PCDHA8: variants seen among roughly 807,000 people sequenced by gnomAD.
PCDHA8 encodes the protein protocadherin alpha-8.
In PCDHA8, 53 loss-of-function variants were observed where a neutral mutation model predicts 61.8. That is an observed-to-expected ratio of 0.86 (90% CI 0.69 to 1.08). The LOEUF (loss-of-function observed/expected upper bound fraction) is 1.08, where lower values mean the gene tolerates loss of function less well. Ranked by LOEUF, PCDHA8 falls within the 50% of genes least tolerant of loss-of-function variation. PCDHA8 has a pLI of 0.00. For missense variants in PCDHA8, 1,293 were observed against 1,245.0 expected, an observed-to-expected ratio of 1.04 and a Z score of -0.58; for synonymous variants, 618 against 556.6, an observed-to-expected ratio of 1.11 and a Z score of -1.55.
intron 1 of PCDHA8, among the ~76,000 whole-genome samples, chr5:140,871,794 ATTACTATT>A (rs1415079404): frequency 2.2e-4 from 33 of 152,228 alleles, no homozygotes; most frequent in African/African-American, 7.7e-4. Flanking sequence ...AGTAGAAATA[ATTACTATT>A]TTCACTAAAG....
At chr5:140,870,333 C>A in intron 1 of PCDHA8, 1 of 1,614,164 alleles carries the variant, frequency 6.2e-7, no homozygotes, top group Non-Finnish European at 8.5e-7. Flanking sequence ...TGCTGGACAG[C>A]GCCCTGGACC....
At position 140,870,536 on chromosome 5, in the gene PCDHA8, C is replaced by T. The variant is rs782205013; in HGVS notation, c.2394+26821C>T. On this transcript the variant is annotated intron_variant, in intron 1 of 3. Transcript: ENST00000531613. ...GGCTGCCACATCTTCACAGTGTCGGCGCGGGACGCGGACGCGCAGGAGAAC... is the reference window on the plus strand; with the variant it reads ...GGCTGCCACATCTTCACAGTGTCGGTGCGGGACGCGGACGCGCAGGAGAAC... 1.1e-5 allele frequency: 18 copies of T among 1,614,036 alleles called. No individual in the cohort carries two copies. The Admixed American group carries it at 3.0e-4, about 27-fold the overall frequency.
At chr5:140,875,538 A>C in intron 1 of PCDHA8, 17 of 1,614,126 alleles carry the variant, frequency 1.1e-5, no homozygotes, top group Non-Finnish European at 1.4e-5. Context: ...TGCTCCTTGC[A>C]GCCTGGGAGG....
intron 1 of PCDHA8, among the ~76,000 whole-genome samples, chr5:140,971,432 A>G (rs1446143040): frequency 6.6e-6 from 1 of 152,226 alleles, no homozygotes; most frequent in African/African-American, 2.4e-5. Context: ...AAGAACCCCA[A>G]GATCTACAGC....
intron 3 of PCDHA8, 47 bp from the exon 4 acceptor site, chr5:141,009,580 G>T: frequency 1.3e-6 from 2 of 1,588,168 alleles, no homozygotes; most frequent in South Asian, 2.3e-5. Context: ...GTGGCATCAA[G>T]AGCATGTGTT....
chr5:140,998,987 G>A (rs1381033392), intron 3 of PCDHA8, among the ~76,000 whole-genome samples: 1 of 152,234 alleles, frequency 6.6e-6, no homozygotes. Context: ...ATAGTAGAAA[G>A]CAGAATGCTG....
At chr5:140,927,854 C>T (rs1047804872) in intron 1 of PCDHA8, 1 of 1,614,222 alleles carries the variant, frequency 6.2e-7, no homozygotes, top group South Asian at 1.1e-5. Flanking sequence ...TTTGGTTTAG[C>T]TAGCACCGCT....
Position 140,842,613 on chromosome 5 carries a change from G to T in PCDHA8, c.1292G>T (p.Gly431Val), listed in dbSNP as rs782736515. The change falls in exon 1 of 4, where the codon GGC becomes GTC. Residue 431 changes from glycine (G) to valine (V), a missense_variant. Gly to Val is a moderately radical substitution (Grantham distance 109, BLOSUM62 -3). Transcript: ENST00000531613. ...TTGGTGGTAACCGCGCGGGACGGGG[G>T]CTCGCCTTCGCTGTGGGCCACCGCC... ...YELVVTARDG[G>V]SPSLWATASL... 3.1e-6 allele frequency: 5 copies of T among 1,595,814 alleles called. 1 individual carries two copies. The highest frequency in any genetic ancestry group is 4.3e-6 in the Non-Finnish European group (5 of 1,165,648).
rs1465099022 is a variant in PCDHA8 at position 140,850,419 on chromosome 5, G to T, written c.2394+6704G>T. 7.5e-6 allele frequency: 12 copies of T among 1,597,838 alleles called. 2 individuals carry two copies. Among genetic ancestry groups the T allele is most frequent in the Non-Finnish European group, 9.4e-6 (11 of 1,167,742 alleles). On this transcript the variant is annotated intron_variant, in intron 1 of 3. Coordinates refer to ENST00000531613, the MANE Select transcript of PCDHA8 (RefSeq NM_018911.3). ...AACGCGTGCCCTGGACGAAACGGAC[G>T]CACCGCGCCAGCGCCTACTGGTGCT...
At chr5:140,909,709 A>G (rs2153511702) in intron 1 of PCDHA8, among the ~76,000 whole-genome samples, 1 of 152,294 alleles carries the variant, frequency 6.6e-6, no homozygotes, top group Non-Finnish European at 1.5e-5. Context: ...GCTGCTAAGT[A>G]TACCTATGCC....
At chr5:140,941,286 CTCTTTCTT>C (rs5871754) in intron 1 of PCDHA8, among the ~76,000 whole-genome samples, 8 of 106,846 alleles carry the variant, frequency 7.5e-5, no homozygotes, top group East Asian at 5.2e-4. Context: ...TCCTTCCTTT[CTCTTTCTT>C]TCTTTCTTTC....
chr5:141,010,025 A>G lies in PCDHA8; in HGVS notation c.*88A>G. The G allele has an allele frequency of 6.4e-7, 1 of 1,573,940 alleles. No homozygotes were observed. The highest frequency in any genetic ancestry group is 2.2e-5 in the East Asian group (1 of 44,636). ...TAGCAATTCCCTGCTCCTTTTTCCT[A>G]TCTACATGAGCCCTCTTAGAGACCT... On this transcript the variant is annotated 3_prime_UTR_variant, in exon 4 of 4. Transcript: ENST00000531613.
At chr5:140,966,638 T>A in intron 1 of PCDHA8, 2 of 1,090,114 alleles carry the variant, frequency 1.8e-6, no homozygotes, top group South Asian at 2.2e-5. Flanking sequence ...CCAGGCGCTT[T>A]CTAGAGCGTG....
At position 140,842,662 on chromosome 5, in the gene PCDHA8, C is replaced by G. The variant is rs2150341461; in HGVS notation, c.1341C>G (p.Asp447Glu). The G allele has an allele frequency of 1.3e-6, 2 of 1,595,426 alleles. No homozygotes were observed. Among genetic ancestry groups the G allele is most frequent in the East Asian group, 2.2e-5 (1 of 44,810 alleles). The change falls in exon 1 of 4, where the codon GAC becomes GAG. Residue 447 changes from aspartate (D) to glutamate (E), a missense_variant. Transcript: ENST00000531613. Reference protein sequence around the residue: ...ATASLSVEVADVNDNAPAFAQ... With the variant: ...ATASLSVEVAEVNDNAPAFAQ... Reference sequence around the variant, plus strand: ...CCAGCTTGTCTGTGGAGGTGGCCGACGTGAACGACAATGCTCCGGCGTTCG... The same window carrying G: ...CCAGCTTGTCTGTGGAGGTGGCCGAGGTGAACGACAATGCTCCGGCGTTCG...
intron 1 of PCDHA8, chr5:140,863,164 G>C (rs781940637): frequency 1.7e-5 from 11 of 661,132 alleles, no homozygotes; most frequent in Non-Finnish European, 3.0e-5. Context: ...CTGCGAGCTG[G>C]CGCTGACTGC....
intron 1 of PCDHA8, chr5:140,857,158 A>G: frequency 6.3e-7 from 1 of 1,598,190 alleles, no homozygotes; most frequent in East Asian, 2.2e-5. Context: ...TCATTGCCCT[A>G]ATCAGCGTTT....
At chr5:140,917,281 T>A (rs1354421886) in intron 1 of PCDHA8, among the ~76,000 whole-genome samples, 1 of 151,298 alleles carries the variant, frequency 6.6e-6, no homozygotes, top group Admixed American at 6.6e-5. Context: ...GTAATGACGC[T>A]TTTCCGTGTG....
At chr5:140,886,201 T>C (rs1224274096) in intron 1 of PCDHA8, among the ~76,000 whole-genome samples, 2 of 152,140 alleles carry the variant, frequency 1.3e-5, no homozygotes, top group African/African-American at 2.4e-5. Flanking sequence ...AGTAATCTGT[T>C]CTCCATTTCT....
At chr5:140,992,471 A>G (rs1563581785) in intron 3 of PCDHA8, among the ~76,000 whole-genome samples, 1 of 152,186 alleles carries the variant, frequency 6.6e-6, no homozygotes, top group Non-Finnish European at 1.5e-5. Context: ...TACTCTTTAG[A>G]TCACCCAGAG....
Sources: allele counts gnomAD v4.1 joint callset (sites outside exome capture counted in the v4.1 genomes callset), GRCh38; gene constraint gnomAD v4.1.1; transcripts MANE v1.5; gene names NCBI Gene and HGNC (gene_info 2026-07-23, HGNC 2026-07-21).